SNTG1: variants seen among roughly 807,000 people sequenced by gnomAD.
SNTG1 encodes the protein syntrophin gamma 1, also known as gamma-1-syntrophin.
A neutral mutation model predicts 74.7 loss-of-function variants in SNTG1; 39 were observed. The observed-to-expected ratio is 0.52, with a 90% CI of 0.40 to 0.68. SNTG1 has a LOEUF of 0.68. Ranked by LOEUF, SNTG1 falls within the 30% of genes least tolerant of loss-of-function variation. The probability of loss-of-function intolerance (pLI) is 0.00; values close to 1 mark genes in which losing one functional copy is unlikely to be tolerated. For synonymous variants in SNTG1, 254 were observed against 217.1 expected, an observed-to-expected ratio of 1.17 and a Z score of -1.49; for missense variants, 685 against 609.5, an observed-to-expected ratio of 1.12 and a Z score of -1.30.
rs545844718 is a variant in SNTG1, at chr8:50,778,648, T to C, written c.1396-14023T>C. ...GTTGCGAAAATTTTCTCCCATTTTGTAGGTTGCCTGTTCACTCTGATGGTA... is the reference window on the plus strand; with the variant it reads ...GTTGCGAAAATTTTCTCCCATTTTGCAGGTTGCCTGTTCACTCTGATGGTA... On this transcript the variant is annotated intron_variant, in intron 18 of 18. Coordinates refer to ENST00000642720, the MANE Select transcript of SNTG1 (RefSeq NM_018967.5). Among the ~76,000 whole-genome samples, 5 of 128,442 alleles carry C rather than the reference T, an allele frequency of 3.9e-5. No homozygotes were observed. The East Asian group carries it at 1.1e-3, about 29-fold the overall frequency. 84.3% of individuals were successfully genotyped at this position (128,442 alleles called of 152,430 possible).
At chr8:49,999,653 T>G (rs993085304) in intron 1 of SNTG1, among the ~76,000 whole-genome samples, 1 of 152,164 alleles carries the variant, frequency 6.6e-6, no homozygotes, top group Non-Finnish European at 1.5e-5. Context: ...CCCCAATGTC[T>G]GCATGGCTCT....
chr8:50,133,926 C>A (rs955957327), intron 1 of SNTG1, among the ~76,000 whole-genome samples: 5 of 152,104 alleles, frequency 3.3e-5, no homozygotes, highest in African/African-American at 9.7e-5. Context: ...ATGTAATTAA[C>A]AAAAGAAGTC....
intron 2 of SNTG1, among the ~76,000 whole-genome samples, chr8:50,180,447 G>C (rs1208176734): frequency 3.9e-5 from 6 of 152,074 alleles, no homozygotes; most frequent in Admixed American, 3.3e-4. Context: ...ATACAAAAAA[G>C]AAAGTAATAA....
intron 17 of SNTG1, among the ~76,000 whole-genome samples, chr8:50,726,802 T>C (rs558288233): frequency 6.6e-6 from 1 of 152,198 alleles, no homozygotes; most frequent in South Asian, 2.1e-4. Context: ...TGAGCTAAGA[T>C]TGCAACACTG....
chr8:50,175,037 T>A (rs1265395712), intron 2 of SNTG1, among the ~76,000 whole-genome samples: 6 of 152,114 alleles, frequency 3.9e-5, no homozygotes, highest in Non-Finnish European at 7.4e-5. Context: ...ACAAAGGACA[T>A]GAACTCATCA....
chr8:50,642,740 T>A (rs118133972), intron 13 of SNTG1, among the ~76,000 whole-genome samples: 2,835 of 152,306 alleles, frequency 0.019, 54 homozygotes, highest in Middle Eastern at 0.037. Flanking sequence ...GTATTTTCTG[T>A]CTTCTTTTCC....
intron 2 of SNTG1, among the ~76,000 whole-genome samples, chr8:50,243,138 C>T (rs10282933): frequency 0.056 from 8,432 of 151,056 alleles, 531 homozygotes; most frequent in South Asian, 0.19. Flanking sequence ...ATAAATTGAC[C>T]GCTAATGGTA....
chr8:50,049,435 C>A (rs1462185950), intron 1 of SNTG1, among the ~76,000 whole-genome samples: 1 of 152,070 alleles, frequency 6.6e-6, no homozygotes, highest in Non-Finnish European at 1.5e-5. Context: ...ATTGATTCAT[C>A]AGAAGTCATA....
chr8:50,671,407 A>G (rs1229769425), intron 15 of SNTG1, among the ~76,000 whole-genome samples: 1 of 151,462 alleles, frequency 6.6e-6, no homozygotes, highest in South Asian at 2.1e-4. Flanking sequence ...ACTTCTCAAA[A>G]GAAGATATTT....
chr8:49,977,862 T>C (rs751756186), intron 1 of SNTG1, among the ~76,000 whole-genome samples: 11 of 152,236 alleles, frequency 7.2e-5, no homozygotes, highest in Non-Finnish European at 1.0e-4. Flanking sequence ...AGTGGAGATG[T>C]GGCACCACAA....
chr8:50,293,528 G>A (rs539474838), intron 2 of SNTG1, among the ~76,000 whole-genome samples: 41 of 151,648 alleles, frequency 2.7e-4, no homozygotes, highest in African/African-American at 9.2e-4. Flanking sequence ...TCATGCCTCA[G>A]CCTCCCGAGT....
At chr8:49,933,271 G>C (rs1055593392) in intron 1 of SNTG1, among the ~76,000 whole-genome samples, 22 of 152,116 alleles carry the variant, frequency 1.4e-4, no homozygotes, top group African/African-American at 5.1e-4. Context: ...ATGCTTGTTA[G>C]TGTCTGTCTT....
chr8:50,445,789 A>T (rs1435356629), intron 5 of SNTG1, among the ~76,000 whole-genome samples: 1 of 152,198 alleles, frequency 6.6e-6, no homozygotes, highest in Non-Finnish European at 1.5e-5. Flanking sequence ...TGGGGAGAAG[A>T]TGGTGATGAA....
chr8:50,488,075 T>C (rs1489266099), intron 8 of SNTG1, among the ~76,000 whole-genome samples: 1 of 152,214 alleles, frequency 6.6e-6, no homozygotes. Flanking sequence ...TAGTCCATTC[T>C]ATCTTGTTTT....
In SNTG1 at chr8:50,487,336, G is replaced by C. The variant is rs533796236; in HGVS notation, c.364-15442G>C. On this transcript the variant is annotated intron_variant, in intron 8 of 18. Coordinates refer to ENST00000642720, the MANE Select transcript of SNTG1 (RefSeq NM_018967.5). ...CATTTGACCCAGCCATCCCATTACT[G>C]GGTATATACCCAAAGTACTATAAAT... 2.1e-3 allele frequency among the ~76,000 whole-genome samples: 315 copies of C among 152,242 alleles called. 1 individual carries two copies. Among genetic ancestry groups the C allele is most frequent in the African/African-American group, 7.3e-3 (304 of 41,540 alleles).
chr8:50,583,815 C>T (rs2094628396), intron 12 of SNTG1, among the ~76,000 whole-genome samples: 1 of 150,316 alleles, frequency 6.7e-6, no homozygotes, highest in African/African-American at 2.5e-5. Context: ...GGTACATGTG[C>T]ACAACATGCA....
chr8:49,958,989 T>TGTTA (rs765434875), intron 1 of SNTG1, among the ~76,000 whole-genome samples: 1 of 152,214 alleles, frequency 6.6e-6, no homozygotes, highest in Non-Finnish European at 1.5e-5. Flanking sequence ...CTTTTTGATC[T>TGTTA]GTTAGTTAAT....
At chr8:50,724,448 G>A (rs914282738) in intron 17 of SNTG1, among the ~76,000 whole-genome samples, 1 of 152,142 alleles carries the variant, frequency 6.6e-6, no homozygotes. Context: ...ATAATTATTA[G>A]CTAACAAATT....
At chr8:49,932,900 C>T (rs1453498578) in intron 1 of SNTG1, among the ~76,000 whole-genome samples, 1 of 152,174 alleles carries the variant, frequency 6.6e-6, no homozygotes, top group Admixed American at 6.5e-5. Flanking sequence ...ACTTCTTTCA[C>T]TTGGCATACT....
Sources: allele counts gnomAD v4.1 joint callset (sites outside exome capture counted in the v4.1 genomes callset), GRCh38; gene constraint gnomAD v4.1.1; transcripts MANE v1.5; gene names NCBI Gene and HGNC (gene_info 2026-07-23, HGNC 2026-07-21).